Variants in MOGS observed in about 807,000 individuals in gnomAD.
The protein encoded by MOGS is mannosyl-oligosaccharide glucosidase, also known as epididymis secretory sperm binding protein.
MOGS carries 45 observed loss-of-function variants against 68.5 expected under a neutral mutation model. The ratio of observed to expected loss-of-function variants is 0.66; its 90% CI spans 0.52 to 0.84. MOGS has a LOEUF of 0.84. Among genes scored for constraint, MOGS ranks in the 40% least tolerant of loss-of-function variants. The probability of loss-of-function intolerance (pLI) is 0.00; values close to 1 mark genes in which losing one functional copy is unlikely to be tolerated. For missense variants in MOGS, 1,020 were observed against 1,095.0 expected (o/e 0.93, Z 0.97); for synonymous variants, 492 against 461.2 (o/e 1.07, Z -0.86).
In MOGS at chr2:74,462,868, C is replaced by T. The variant is rs1157702464; in HGVS notation, c.921G>A (p.Glu307=). ...GCCCTTGCCCACTTGGACCTCTGTC[C>T]TCCCACTTCAGGGATCCTGGCAAGC... ...YLGLPGSLKW[E]DRGPSGQGQG... Residue 307 remains glutamate (E), a synonymous_variant, in exon 4 of 4, where the codon GAG becomes GAA. Transcript: ENST00000448666. The T allele has an allele frequency of 6.2e-7, 1 of 1,614,198 alleles. No homozygotes were observed. Among genetic ancestry groups the T allele is most frequent in the Non-Finnish European group, 8.5e-7 (1 of 1,180,044 alleles).
At position 74,462,253 on chromosome 2, in the gene MOGS, G is replaced by T; in HGVS notation, c.1536C>A (p.Pro512=). The T allele has an allele frequency of 6.2e-7, 1 of 1,614,056 alleles. No individual in the cohort carries two copies. Among genetic ancestry groups the T allele is most frequent in the Non-Finnish European group, 8.5e-7 (1 of 1,180,022 alleles). The part of the protein sequence containing the change: ...FLVQRAVHAN[P]PTLLLPVAHM... Reference sequence around the variant, plus strand: ...GGGCTACAGGCAAAAGTAGGGTTGGGGGGTTGGCGTGGACTGCTCGTTGTA... The same window carrying T: ...GGGCTACAGGCAAAAGTAGGGTTGGTGGGTTGGCGTGGACTGCTCGTTGTA... Residue 512 remains proline, a synonymous_variant, in exon 4 of 4, where the codon CCC becomes CCA. Coordinates refer to ENST00000448666, the MANE Select transcript of MOGS (RefSeq NM_006302.3).
chr2:74,461,277 A>G lies in MOGS; in HGVS notation c.2512T>C (p.Ter838ArgextTer54), dbSNP rs1051283. Residue 838 changes from the stop codon to arginine (R), a stop_lost, in exon 4 of 4, where the codon TGA becomes CGA. Transcript: ENST00000448666. The part of the protein sequence containing the change: ...LVLLAMAEDY[*>R] ...TGGCTCCCCTCCTCTCCCTCCCTTCAGTAGTCTTCAGCCATGGCCAGTAAG... is the reference window on the plus strand; with the variant it reads ...TGGCTCCCCTCCTCTCCCTCCCTTCGGTAGTCTTCAGCCATGGCCAGTAAG... 1 of 1,614,030 alleles carries G rather than the reference A, an allele frequency of 6.2e-7. No homozygotes were observed. Among genetic ancestry groups the G allele is most frequent in the Admixed American group, 1.7e-5 (1 of 60,028 alleles).
Position 74,461,126 on chromosome 2 carries a change from A to G in MOGS, c.*149T>C. On this transcript the variant is annotated 3_prime_UTR_variant, in exon 4 of 4. Transcript: ENST00000448666. ...CTGGATTCACATTCACCCCAGGGCT[A>G]TGTGGGATGACAGCAAGGAGACACC... The G allele has an allele frequency of 1.2e-6, 1 of 839,918 alleles. No homozygotes were observed. The highest frequency in any genetic ancestry group is 1.9e-6 in the Non-Finnish European group (1 of 514,884). The allele number at this position is 839,918 out of a possible 1,614,324, so 52.0% of individuals were successfully genotyped here. A position where few individuals can be genotyped will look rare whatever the true frequency, so the allele number is the denominator to read the frequency against.
At position 74,462,955 on chromosome 2, in the gene MOGS, C is replaced by G; in HGVS notation, c.834G>C (p.Lys278Asn). The change falls in exon 4 of 4, where the codon AAG becomes AAC. Residue 278 changes from lysine to asparagine, a missense_variant. Physicochemically the swap from Lys to Asn is moderately conservative, Grantham distance 94. Coordinates refer to ENST00000448666, the MANE Select transcript of MOGS (RefSeq NM_006302.3). ...GCTGAAACCAGCTATTTAGGCGACTCTTTACCATCTCTGTCAGCAGGGGCA... is the reference window on the plus strand; with the variant it reads ...GCTGAAACCAGCTATTTAGGCGACTGTTTACCATCTCTGTCAGCAGGGGCA... ...PGLPLLTEMV[K>N]SRLNSWFQHR... 1.9e-6 allele frequency: 3 copies of G among 1,614,228 alleles called. No individual in the cohort carries two copies. Among genetic ancestry groups the G allele is most frequent in the South Asian group, 2.2e-5 (2 of 91,090 alleles).
intron 2 of MOGS, 198 bp from the exon 3 acceptor site, chr2:74,463,584 G>C: frequency 1.6e-6 from 1 of 619,290 alleles, no homozygotes; most frequent in Non-Finnish European, 2.9e-6. Flanking sequence ...CTTGCACTGG[G>C]TGCCCTGGGA....
chr2:74,464,497 T>A lies in MOGS; in HGVS notation c.578A>T (p.Gln193Leu). 2.5e-6 allele frequency: 4 copies of A among 1,614,000 alleles called. No individual in the cohort carries two copies. The highest frequency in any genetic ancestry group is 3.4e-6 in the Non-Finnish European group (4 of 1,179,998). The change falls in exon 2 of 4, where the codon CAG becomes CTG. Residue 193 changes from glutamine (Q) to leucine (L), a missense_variant and splice_region_variant. Physicochemically the swap from Gln to Leu is moderately radical, Grantham distance 113 (BLOSUM62 -2). This residue lies in a region of MOGS where 569 missense variants were observed against 571.9 expected (regional missense o/e 0.99). Transcript: ENST00000448666. ...DWSWRVTVEP[Q>L]DSGTSALPLV... ...AAAAGGGTGTCCTGAGGCCCTGACCTGAGGCTCTACAGTCACTCTCCAGCT... is the reference window on the plus strand; with the variant it reads ...AAAAGGGTGTCCTGAGGCCCTGACCAGAGGCTCTACAGTCACTCTCCAGCT...
chr2:74,461,095 T>TA lies in MOGS; in HGVS notation c.*179dup, dbSNP rs1367188618. 8.2e-6 allele frequency: 6 copies of TA among 729,468 alleles called. No homozygotes were observed. Among genetic ancestry groups the TA allele is most frequent in the African/African-American group, 5.4e-5 (3 of 56,044 alleles). 45.2% of individuals were successfully genotyped at this position (729,468 alleles called of 1,614,324 possible). A position where few individuals can be genotyped will look rare whatever the true frequency, so the allele number is the denominator to read the frequency against. On this transcript the variant is annotated 3_prime_UTR_variant, in exon 4 of 4. Transcript: ENST00000448666. ...GTTTTTTCCAATTTATTTAGAAAAA[T>TA]AGACTCTGGATTCACATTCACCCCA...
In MOGS at chr2:74,465,196, T is replaced by G. The variant is rs1672035762; in HGVS notation, c.52A>C (p.Thr18Pro). 5 of 1,532,896 alleles carry G rather than the reference T, an allele frequency of 3.3e-6. No individual in the cohort carries two copies. Among genetic ancestry groups the G allele is most frequent in the Non-Finnish European group, 4.3e-6 (5 of 1,150,368 alleles). 95.0% of individuals were successfully genotyped at this position (1,532,896 alleles called of 1,614,324 possible). ...CCTCCCCGAGCCGCCCTCTCGGCTG[T>G]CCGCACTCCCTCTGCCGGCACTGCG... ...RRAVPAEGVR[T>P]AERAARGGPG... Residue 18 changes from threonine (T) to proline (P), a missense_variant, in exon 1 of 4, where the codon ACA becomes CCA. By Grantham distance (38) the Thr-to-Pro change is conservative (BLOSUM62 -1). Around this residue, in one of 3 missense-constraint regions of MOGS, gnomAD observed 569 missense variants for 571.9 expected, o/e 0.99. Coordinates refer to ENST00000448666, the MANE Select transcript of MOGS (RefSeq NM_006302.3).
In MOGS at chr2:74,464,631, C is replaced by T. The variant is rs368044007; in HGVS notation, c.444G>A (p.Trp148Ter). Residue 148 changes from tryptophan (W) to a stop codon, truncating the protein, a stop_gained, in exon 2 of 4, where the codon TGG becomes TGA. Coordinates refer to ENST00000448666, the MANE Select transcript of MOGS (RefSeq NM_006302.3). LOFTEE classifies it high-confidence loss of function. ...CGAAGGAGAGGCCGTCGTGGAACTC[C>T]CAGCCATAGGGACCCACACCGTCCC... is the stretch of plus-strand genomic sequence containing the variant. ...EQGDGVGPYG[W>*]EFHDGLSFGR... 1.9e-6 allele frequency: 3 copies of T among 1,614,012 alleles called. No homozygotes were observed. In the African/African-American group the frequency reaches 4.0e-5, roughly 22 times the overall value.
chr2:74,462,185 C>T lies in MOGS; in HGVS notation c.1604G>A (p.Arg535Gln), dbSNP rs199528323. 644 of 1,614,110 alleles carry T rather than the reference C, an allele frequency of 4.0e-4. No homozygotes were observed. The highest frequency in any genetic ancestry group is 5.1e-4 in the Non-Finnish European group (599 of 1,179,982). The change falls in exon 4 of 4, where the codon CGA becomes CAA. Residue 535 changes from arginine (R) to glutamine (Q), a missense_variant. Physicochemically the swap from Arg to Gln is conservative, Grantham distance 43. This residue lies in a region of MOGS where 181 missense variants were observed against 261.8 expected (regional missense o/e 0.69). Coordinates refer to ENST00000448666, the MANE Select transcript of MOGS (RefSeq NM_006302.3). The stretch of plus-strand genomic sequence containing the variant: ...GGCATGCAGGCGGGGCAAGGCCTTT[C>T]GGAGGAAAGCCAAGTCGTCAGGGTC... ...VGDPDDLAFL[R>Q]KALPRLHAWF...
intron 1 of MOGS, 51 bp from the exon 2 acceptor site, chr2:74,464,773 G>A: frequency 6.3e-7 from 1 of 1,575,754 alleles, no homozygotes; most frequent in Non-Finnish European, 8.7e-7. Context: ...CTGTCCCTCC[G>A]GGTCTCCGGG....
chr2:74,463,537 GT>G (rs1671988028), intron 2 of MOGS, 151 bp from the exon 3 acceptor site: 3 of 789,686 alleles, frequency 3.8e-6, no homozygotes, highest in Non-Finnish European at 6.3e-6. Flanking sequence ...GTCACTGAGG[GT>G]AACCAGGTAC....
Position 74,461,752 on chromosome 2 carries a change from G to T in MOGS, c.2037C>A (p.Pro679=). The T allele has an allele frequency of 6.2e-7, 1 of 1,614,190 alleles. No individual in the cohort carries two copies. The highest frequency in any genetic ancestry group is 8.5e-7 in the Non-Finnish European group (1 of 1,180,028). The change falls in exon 4 of 4, where the codon CCC becomes CCA. Residue 679 remains proline (P), a synonymous_variant. Transcript: ENST00000448666. ...PQGLVRVVGR[P]QPQLQYVDAL... Reference sequence around the variant, plus strand: ...CATCTACATACTGCAGTTGAGGTTGGGGCCGACCCACCACCCGAACGAGCC... The same window carrying T: ...CATCTACATACTGCAGTTGAGGTTGTGGCCGACCCACCACCCGAACGAGCC...
rs1207246284 is a variant in MOGS, at chr2:74,461,715, C to T, written c.2074G>A (p.Val692Ile). 3 of 1,614,242 alleles carry T rather than the reference C, an allele frequency of 1.9e-6. No individual in the cohort carries two copies. The highest frequency in any genetic ancestry group is 1.3e-5 in the African/African-American group (1 of 75,060). The change falls in exon 4 of 4, where the codon GTC (valine) becomes ATC (isoleucine). Residue 692 changes from valine (V) to isoleucine (I), a missense_variant. Coordinates refer to ENST00000448666, the MANE Select transcript of MOGS (RefSeq NM_006302.3). ...CGCAGCAGCAAGGGAAAAAGACTGA[C>T]ATAGCCAAGAGCATCTACATACTGC... ...QLQYVDALGY[V>I]SLFPLLLRLL...
chr2:74,462,695 G>A lies in MOGS; in HGVS notation c.1094C>T (p.Ala365Val). ...SLLTQALESH[A>V]EGFRERFEKT... Reference sequence around the variant, plus strand: ...CTCAAAGCGCTCTCTAAAGCCTTCAGCATGGCTCTCCAGGGCCTGGGTCAG... The same window carrying A: ...CTCAAAGCGCTCTCTAAAGCCTTCAACATGGCTCTCCAGGGCCTGGGTCAG... The change falls in exon 4 of 4, where the codon GCT becomes GTT. Residue 365 changes from alanine to valine, a missense_variant. By Grantham distance (64) the Ala-to-Val change is moderately conservative (BLOSUM62 0). Transcript: ENST00000448666. 1 of 1,614,242 alleles carries A rather than the reference G, an allele frequency of 6.2e-7. No homozygotes were observed.
Position 74,461,553 on chromosome 2 carries a change from C to T in MOGS, c.2236G>A (p.Asp746Asn). 1 of 1,614,046 alleles carries T rather than the reference C, an allele frequency of 6.2e-7. No individual in the cohort carries two copies. Among genetic ancestry groups the T allele is most frequent in the Non-Finnish European group, 8.5e-7 (1 of 1,179,948 alleles). The change falls in exon 4 of 4, where the codon GAT becomes AAT. Residue 746 changes from aspartate (D) to asparagine (N), a missense_variant. Asp to Asn is a conservative substitution (Grantham distance 23). Around this residue, in one of 3 missense-constraint regions of MOGS, gnomAD observed 270 missense variants for 261.3 expected, o/e 1.03. Transcript: ENST00000448666. ...ACAGCACCCCGCCAGTAGGGGGGAT[C>T]ATGCTCTGAATTGCGCTGGCCATAA... The part of the protein sequence containing the change: ...SFYGQRNSEH[D>N]PPYWRGAVWL...
At chr2:74,464,468 T>C (rs1672009289) in intron 2 of MOGS, 28 bp downstream of exon 2, 1 of 1,606,622 alleles carries the variant, frequency 6.2e-7, no homozygotes, top group East Asian at 2.2e-5. Flanking sequence ...GGGTCTGGGC[T>C]GAGAAAAGGG....
At position 74,461,708 on chromosome 2, in the gene MOGS, A is replaced by G; in HGVS notation, c.2081T>C (p.Leu694Pro). 6.2e-7 allele frequency: 1 copy of G among 1,614,212 alleles called. No homozygotes were observed. The highest frequency in any genetic ancestry group is 8.5e-7 in the Non-Finnish European group (1 of 1,180,040). Reference sequence around the variant, plus strand: ...CAGCAGTCGCAGCAGCAAGGGAAAAAGACTGACATAGCCAAGAGCATCTAC... The same window carrying G: ...CAGCAGTCGCAGCAGCAAGGGAAAAGGACTGACATAGCCAAGAGCATCTAC... The part of the protein sequence containing the change: ...QYVDALGYVS[L>P]FPLLLRLLDP... The change falls in exon 4 of 4, where the codon CTT becomes CCT. Residue 694 changes from leucine (L) to proline (P), a missense_variant. This residue lies in a region of MOGS where 270 missense variants were observed against 261.3 expected (regional missense o/e 1.03). Transcript: ENST00000448666.
chr2:74,464,819 C>T (rs1173397852), intron 1 of MOGS, 77 bp downstream of exon 1: 34 of 1,559,256 alleles, frequency 2.2e-5, no homozygotes, highest in Non-Finnish European at 2.9e-5. Flanking sequence ...TCCATTCCTT[C>T]CCACCCTTGC....
Sources: allele counts gnomAD v4.1 joint callset, GRCh38; gene constraint gnomAD v4.1.1; regional missense constraint gnomAD v4.1.1; transcripts MANE v1.5; gene names NCBI Gene and HGNC (gene_info 2026-07-23, HGNC 2026-07-21).